CARM1: variants seen among roughly 807,000 people sequenced by gnomAD.
CARM1 encodes histone-arginine methyltransferase CARM1.
CARM1 carries 14 observed loss-of-function variants against 72.7 expected under a neutral mutation model. That is an observed-to-expected ratio of 0.19 (90% CI 0.13 to 0.30). The LOEUF is 0.30. CARM1 is among the 10% of genes least tolerant of loss of function. CARM1 has a pLI of 1.00. For synonymous variants in CARM1, 333 were observed against 345.5 expected (o/e 0.96, Z 0.40); for missense variants, 432 against 833.7 (o/e 0.52, Z 5.93).
intron 1 of CARM1, among the ~76,000 whole-genome samples, chr19:10,903,137 G>A (rs1296932523): frequency 6.6e-6 from 1 of 152,136 alleles, no homozygotes; most frequent in East Asian, 1.9e-4. Context: ...CCCATTGAAT[G>A]TTCTTGGCAT....
chr19:10,889,509 A>G (rs1175317801), intron 1 of CARM1, among the ~76,000 whole-genome samples: 5 of 95,790 alleles, frequency 5.2e-5, no homozygotes, highest in African/African-American at 2.0e-4. Context: ...TTGTATTTTT[A>G]GTAGAGACGG....
intron 1 of CARM1, among the ~76,000 whole-genome samples, chr19:10,904,582 C>T (rs2074089217): frequency 6.6e-6 from 1 of 152,254 alleles, no homozygotes; most frequent in Non-Finnish European, 1.5e-5. Flanking sequence ...GCAGTCACTG[C>T]TCTGCGCCCA....
At chr19:10,881,651 G>A (rs899656840) in intron 1 of CARM1, among the ~76,000 whole-genome samples, 3 of 152,040 alleles carry the variant, frequency 2.0e-5, no homozygotes, top group African/African-American at 7.2e-5. Flanking sequence ...GCAGGTCTTG[G>A]GGGAGGTGAC....
chr19:10,882,086 C>A (rs1044889522), intron 1 of CARM1, among the ~76,000 whole-genome samples: 1 of 152,166 alleles, frequency 6.6e-6, no homozygotes, highest in Non-Finnish European at 1.5e-5. Flanking sequence ...CTTAGCATCC[C>A]GGTGACCACT....
At chr19:10,898,460 A>G (rs1405689356) in intron 1 of CARM1, among the ~76,000 whole-genome samples, 2 of 152,206 alleles carry the variant, frequency 1.3e-5, no homozygotes, top group Admixed American at 1.3e-4. Flanking sequence ...AGTCCCCAAC[A>G]TGCGCCGGCT....
chr19:10,898,593 G>A (rs1383777565), intron 1 of CARM1, among the ~76,000 whole-genome samples: 1 of 152,238 alleles, frequency 6.6e-6, no homozygotes, highest in Non-Finnish European at 1.5e-5. Context: ...CTGAATGGCC[G>A]CTTTGGGAGG....
At chr19:10,919,768 C>T (rs946082183) in intron 9 of CARM1, 88 bp downstream of exon 9, 1 of 1,501,234 alleles carries the variant, frequency 6.7e-7, no homozygotes, top group African/African-American at 1.4e-5. Context: ...CCTGCCGTCC[C>T]AGGGCAGATG....
In CARM1 at chr19:10,912,141, G is replaced by A. The variant is rs188167664; in HGVS notation, c.559-43G>A. 8.3e-5 allele frequency: 117 copies of A among 1,409,258 alleles called. No homozygotes were observed. Among genetic ancestry groups the A allele is most frequent in the Middle Eastern group, 1.8e-4 (1 of 5,668 alleles). The allele number at this position is 1,409,258 out of a possible 1,614,324, so 87.3% of individuals were successfully genotyped here. A position where few individuals can be genotyped will look rare whatever the true frequency, so the allele number is the denominator to read the frequency against. Reference sequence around the variant, plus strand: ...TGATCACTGTCACCTCCCCATCACCGTCGCCTCCTATGTCTCGCTCTCACC... The same window carrying A: ...TGATCACTGTCACCTCCCCATCACCATCGCCTCCTATGTCTCGCTCTCACC... On this transcript the variant is annotated intron_variant, in intron 4 of 15. Transcript: ENST00000327064. The surrounding 1 kb of genome is among the most constrained non-coding windows in gnomAD (Gnocchi z 4.5).
chr19:10,887,813 G>C (rs143451059), intron 1 of CARM1, among the ~76,000 whole-genome samples: 2 of 152,218 alleles, frequency 1.3e-5, no homozygotes, highest in Admixed American at 6.5e-5. Context: ...GCTTCTCCCT[G>C]ACCCAACTTC....
chr19:10,896,080 C>G lies in CARM1; in HGVS notation c.221-8871C>G, dbSNP rs1015806372. 1.3e-5 allele frequency among the ~76,000 whole-genome samples: 2 copies of G among 151,848 alleles called. No individual in the cohort carries two copies. Among genetic ancestry groups the G allele is most frequent in the Non-Finnish European group, 2.9e-5 (2 of 67,966 alleles). On this transcript the variant is annotated intron_variant, in intron 1 of 15. Coordinates refer to ENST00000327064, the MANE Select transcript of CARM1 (RefSeq NM_199141.2). This position sits in a 1 kb window ranked among gnomAD's most constrained non-coding sequence, Gnocchi z 5.2. Reference sequence around the variant, plus strand: ...CGGAAGGTGCTGGGGAACCGTGGGGCGGTGTGAAGCAGGCGGGTTGTGTTA... The same window carrying G: ...CGGAAGGTGCTGGGGAACCGTGGGGGGGTGTGAAGCAGGCGGGTTGTGTTA...
chr19:10,894,368 GT>G (rs1016742985), intron 1 of CARM1, among the ~76,000 whole-genome samples: 1 of 151,002 alleles, frequency 6.6e-6, no homozygotes, highest in Non-Finnish European at 1.5e-5. Flanking sequence ...CAGAAAGCGT[GT>G]TTTTTTTTCC....
chr19:10,901,081 A>C (rs2074060922), intron 1 of CARM1, among the ~76,000 whole-genome samples: 1 of 148,202 alleles, frequency 6.7e-6, no homozygotes, highest in African/African-American at 2.5e-5. Context: ...TCCCTGATTC[A>C]AGCAATTCTC....
intron 1 of CARM1, among the ~76,000 whole-genome samples, chr19:10,892,914 C>T (rs1049598219): frequency 4.0e-5 from 6 of 151,748 alleles, no homozygotes; most frequent in African/African-American, 9.7e-5. Context: ...TTGTATTTTT[C>T]GGTAAAGATG....
intron 1 of CARM1, among the ~76,000 whole-genome samples, chr19:10,890,704 C>A (rs866262705): frequency 6.8e-6 from 1 of 146,756 alleles, no homozygotes; most frequent in East Asian, 2.0e-4. Flanking sequence ...TATATACACA[C>A]ACATATATAC....
chr19:10,903,581 A>AAAT lies in CARM1; in HGVS notation c.221-1370_221-1369insAAT, dbSNP rs1555726429. ...CTAGTTGTCTTTTTTTTTTTTTTTA[A>AAAT]TAGGATCTCACGTCTGTTGCCTAGA... On this transcript the variant is annotated intron_variant, in intron 1 of 15. Coordinates refer to ENST00000327064, the MANE Select transcript of CARM1 (RefSeq NM_199141.2). Among the ~76,000 whole-genome samples the AAAT allele has an allele frequency of 1.0e-3, 156 of 148,834 alleles. 2 individuals are homozygous for AAAT. Among genetic ancestry groups the AAAT allele is most frequent in the African/African-American group, 3.8e-3 (153 of 40,450 alleles).
chr19:10,919,351 AG>A (rs1955863014), intron 8 of CARM1: 1 of 501,234 alleles, frequency 2.0e-6, no homozygotes, highest in African/African-American at 1.9e-5. Flanking sequence ...ATGTATCTGG[AG>A]GTTAAACTCC....
At chr19:10,886,073 T>G (rs1333826477) in intron 1 of CARM1, among the ~76,000 whole-genome samples, 1 of 148,830 alleles carries the variant, frequency 6.7e-6, no homozygotes, top group Non-Finnish European at 1.5e-5. Context: ...TTTTTTTTTT[T>G]GAAATGGAGT....
chr19:10,905,119 G>GC (rs755999990), intron 2 of CARM1, 43 bp downstream of exon 2: 3 of 1,603,330 alleles, frequency 1.9e-6, no homozygotes, highest in Non-Finnish European at 2.6e-6. Context: ...AGCCCAAAGC[G>GC]CCCAGAGCCC....
intron 1 of CARM1, among the ~76,000 whole-genome samples, chr19:10,882,679 C>T (rs1197033155): frequency 2.0e-5 from 3 of 151,610 alleles, no homozygotes; most frequent in Non-Finnish European, 4.4e-5. Flanking sequence ...GTCTCTGGGA[C>T]TATAGGCATG....
Sources: gnomAD v4.1 joint callset for allele counts (sites outside exome capture counted in the v4.1 genomes callset) on GRCh38, gnomAD v4.1.1 for gene constraint, Gnocchi (gnomAD v3.1) non-coding constraint, MANE v1.5 for transcripts, NCBI Gene and HGNC (gene_info 2026-07-23, HGNC 2026-07-21) for gene names.